The following MRPL14 variants were observed in gnomAD, a reference collection of about 807,000 sequenced individuals.
MRPL14 encodes large ribosomal subunit protein uL14m.
In MRPL14, 8 loss-of-function variants were observed where a neutral mutation model predicts 10.9. That is an observed-to-expected ratio of 0.74 (90% CI 0.43 to 1.33). The LOEUF (loss-of-function observed/expected upper bound fraction) is 1.33. MRPL14 is among the 40% of genes most tolerant of loss of function. The pLI is 0.01. For missense variants in MRPL14, 179 were observed against 194.5 expected (o/e 0.92, Z 0.47); for synonymous variants, 82 against 74.1 (o/e 1.11, Z -0.54).
In MRPL14 at chr6:44,114,153, T is replaced by C. The variant is rs567198791; in HGVS notation, c.128A>G (p.Asn43Ser). ...QKMTRVRVVD[N>S]SALGNSPYHR... is the part of the protein sequence containing the mutation. ...GTATGGGCTGTTCCCCAGGGCACTG[T>C]TGTCCACCACTCGTACCCGCGTCAT... The change falls in exon 3 of 3, where the codon AAC becomes AGC. Residue 43 changes from asparagine (N) to serine (S), a missense_variant. Physicochemically the swap from Asn to Ser is conservative, Grantham distance 46 (BLOSUM62 1). Transcript: ENST00000372014. 1.7e-5 allele frequency: 28 copies of C among 1,614,084 alleles called. No individual in the cohort carries two copies. The highest frequency in any genetic ancestry group is 3.3e-4 in the Middle Eastern group (2 of 6,044).
At chr6:44,119,325 TTGA>T (rs1193044887) in intron 1 of MRPL14, among the ~76,000 whole-genome samples, 3 of 152,152 alleles carry the variant, frequency 2.0e-5, no homozygotes, top group Non-Finnish European at 4.4e-5. Context: ...GGTCAGGAGT[TTGA>T]GACCAGCCTG....
chr6:44,126,377 T>C (rs1426713792), intron 1 of MRPL14, among the ~76,000 whole-genome samples: 3 of 152,184 alleles, frequency 2.0e-5, no homozygotes, highest in African/African-American at 7.2e-5. Flanking sequence ...CTGCAATAAA[T>C]CAAACCTTAC....
In MRPL14 at chr6:44,114,999, G is replaced by C. The variant is rs145915274; in HGVS notation, c.72-790C>G. On this transcript the variant is annotated intron_variant, in intron 2 of 2. Coordinates refer to ENST00000372014, the MANE Select transcript of MRPL14 (RefSeq NM_032111.4). ...CTCTGACACAACATACCAGAAACTG[G>C]TAATAAGTCAAGGTAACAATCTTCT... 1.6e-4 allele frequency among the ~76,000 whole-genome samples: 25 copies of C among 152,266 alleles called. No homozygotes were observed. In the East Asian group the frequency reaches 4.6e-3, roughly 28 times the overall value.
At chr6:44,114,252 T>C (rs773413073) in intron 2 of MRPL14, 43 bp from the exon 3 acceptor site, 54 of 1,568,042 alleles carry the variant, frequency 3.4e-5, no homozygotes, top group Non-Finnish European at 4.5e-5. Flanking sequence ...GTATCTCTTA[T>C]GGTCAGGGTG....
In MRPL14 at chr6:44,122,412, G is replaced by A. The variant is rs574863732; in HGVS notation, c.-19+4932C>T. 1.4e-4 allele frequency among the ~76,000 whole-genome samples: 21 copies of A among 152,260 alleles called. No individual in the cohort carries two copies. In the South Asian group the frequency reaches 4.4e-3, roughly 32 times the overall value. On this transcript the variant is annotated intron_variant, in intron 1 of 2. Transcript: ENST00000372014. ...AGCTCATTTTTAGCTACTCTGAGTT[G>A]GAAGGGCAGACACAAAGAACCTGTA... is the stretch of plus-strand genomic sequence containing the variant.
chr6:44,127,089 G>A (rs1356582819), intron 1 of MRPL14: 2 of 151,988 alleles, frequency 1.3e-5, no homozygotes, highest in Non-Finnish European at 2.9e-5. Flanking sequence ...GCCGGCCACG[G>A]ACTTGGGGGT....
At position 44,127,442 on chromosome 6, in the gene MRPL14, G is replaced by A. The variant is rs1020471799; in HGVS notation, c.-117C>T. 1.3e-5 allele frequency: 2 copies of A among 151,904 alleles called. No homozygotes were observed. The highest frequency in any genetic ancestry group is 2.9e-5 in the Non-Finnish European group (2 of 67,954). The allele number at this position is 151,904 out of a possible 1,614,324, so 9.4% of individuals were successfully genotyped here. Reference sequence around the variant, plus strand: ...TCCTAGCGCCTGCGCGCCAGGCCCAGCCCGGCGGACGCGATCTGAGAGTGC... The same window carrying A: ...TCCTAGCGCCTGCGCGCCAGGCCCAACCCGGCGGACGCGATCTGAGAGTGC... On this transcript the variant is annotated 5_prime_UTR_variant, in exon 1 of 3. Coordinates refer to ENST00000372014, the MANE Select transcript of MRPL14 (RefSeq NM_032111.4).
chr6:44,119,527 C>CA (rs879741171), intron 1 of MRPL14, among the ~76,000 whole-genome samples: 238 of 137,444 alleles, frequency 1.7e-3, no homozygotes, highest in East Asian at 7.7e-3. Flanking sequence ...GACTCCATCT[C>CA]AAAAAAAAAA....
At chr6:44,124,652 A>C (rs1022478949) in intron 1 of MRPL14, among the ~76,000 whole-genome samples, 5 of 152,194 alleles carry the variant, frequency 3.3e-5, no homozygotes, top group East Asian at 3.9e-4. Context: ...TCCTACTCTG[A>C]GTGGTTTCAC....
At chr6:44,122,542 C>G (rs924476252) in intron 1 of MRPL14, among the ~76,000 whole-genome samples, 1 of 152,182 alleles carries the variant, frequency 6.6e-6, no homozygotes, top group African/African-American at 2.4e-5. Flanking sequence ...CACATTGTTT[C>G]TACCTAAACA....
chr6:44,118,893 G>A (rs549828303), intron 1 of MRPL14, among the ~76,000 whole-genome samples: 2 of 152,276 alleles, frequency 1.3e-5, no homozygotes, highest in African/African-American at 2.4e-5. Flanking sequence ...GAATCCAGGA[G>A]GTGGAAGTTG....
At position 44,116,648 on chromosome 6, in the gene MRPL14, G is replaced by T; in HGVS notation, c.-18-19C>A. ...ATAGATCCTGCAGGAAAAACGAGAG[G>T]GGGAAAAATTGGTTTCTAAGTCAGA... On this transcript the variant is annotated intron_variant, in intron 1 of 2. Transcript: ENST00000372014. The T allele has an allele frequency of 6.3e-7, 1 of 1,597,300 alleles. No individual in the cohort carries two copies. The highest frequency in any genetic ancestry group is 8.6e-7 in the Non-Finnish European group (1 of 1,165,708).
chr6:44,126,007 G>A (rs1471796019), intron 1 of MRPL14, among the ~76,000 whole-genome samples: 1 of 152,160 alleles, frequency 6.6e-6, no homozygotes, highest in Non-Finnish European at 1.5e-5. Context: ...GTGATGAACA[G>A]TGAACTGTCT....
In MRPL14 at chr6:44,113,621, T is replaced by G. The variant is rs1196325410; in HGVS notation, c.*222A>C. The G allele has an allele frequency of 1.3e-5, 6 of 460,202 alleles. No homozygotes were observed. Among genetic ancestry groups the G allele is most frequent in the Admixed American group, 7.8e-5 (2 of 25,700 alleles). The allele number at this position is 460,202 out of a possible 1,614,324, so 28.5% of individuals were successfully genotyped here. A position where few individuals can be genotyped will look rare whatever the true frequency, so the allele number is the denominator to read the frequency against. Reference sequence around the variant, plus strand: ...AGAATGCTACCCCGTGTGGCCAGACTCGGGTAAGCCACCTTTCAACTGCTT... The same window carrying G: ...AGAATGCTACCCCGTGTGGCCAGACGCGGGTAAGCCACCTTTCAACTGCTT... On this transcript the variant is annotated 3_prime_UTR_variant, in exon 3 of 3. Coordinates refer to ENST00000372014, the MANE Select transcript of MRPL14 (RefSeq NM_032111.4).
At chr6:44,127,240 C>T (rs913462672) in intron 1 of MRPL14, 104 bp downstream of exon 1, 1 of 149,022 alleles carries the variant, frequency 6.7e-6, no homozygotes, top group East Asian at 2.0e-4. Context: ...CCCACTCTGG[C>T]CTCTCCTCAC....
intron 1 of MRPL14, among the ~76,000 whole-genome samples, chr6:44,124,497 C>T (rs545428770): frequency 4.6e-5 from 7 of 152,338 alleles, no homozygotes; most frequent in South Asian, 2.1e-4. Flanking sequence ...AGAGCAAGCT[C>T]GTTCCCTGAT....
intron 1 of MRPL14, among the ~76,000 whole-genome samples, chr6:44,125,622 G>C (rs1464640556): frequency 1.7e-5 from 2 of 118,004 alleles, no homozygotes; most frequent in Non-Finnish European, 3.2e-5. Context: ...GCTGCACCCA[G>C]ATCTCCCCAG....
In MRPL14 at chr6:44,114,740, C is replaced by T. The variant is rs376448948; in HGVS notation, c.72-531G>A. On this transcript the variant is annotated intron_variant, in intron 2 of 2. Coordinates refer to ENST00000372014, the MANE Select transcript of MRPL14 (RefSeq NM_032111.4). ...TCTCCTGCCTCAGCCTCCCAAGTAG[C>T]TAGGAATACATGCGCCTGCTGCCAT... Among the ~76,000 whole-genome samples, 79 of 152,334 alleles carry T rather than the reference C, an allele frequency of 5.2e-4. 1 individual carries two copies. Among genetic ancestry groups the T allele is most frequent in the Non-Finnish European group, 1.0e-3 (68 of 68,030 alleles).
chr6:44,117,850 T>G (rs1399307226), intron 1 of MRPL14, among the ~76,000 whole-genome samples: 14 of 137,996 alleles, frequency 1.0e-4, no homozygotes, highest in African/African-American at 1.9e-4. Flanking sequence ...GTTTTTTTTT[T>G]TTTTTTTTTT....
Sources: gnomAD v4.1 joint callset for allele counts (sites outside exome capture counted in the v4.1 genomes callset) on GRCh38, gnomAD v4.1.1 for gene constraint, MANE v1.5 for transcripts, NCBI Gene and HGNC (gene_info 2026-07-23, HGNC 2026-07-21) for gene names.